DISP2: variants seen among roughly 807,000 people sequenced by gnomAD.
DISP2 encodes the protein dispatched RND transporter family member 2, also known as protein dispatched homolog 2.
DISP2 carries 59 observed loss-of-function variants against 95.5 expected under a neutral mutation model. The ratio of observed to expected loss-of-function variants is 0.62; its 90% CI spans 0.50 to 0.77. The LOEUF is 0.77. Ranked by LOEUF, DISP2 falls within the 30% of genes least tolerant of loss-of-function variation. DISP2 has a pLI of 0.00. For synonymous variants in DISP2, 827 were observed against 815.0 expected (o/e 1.01, Z -0.25); for missense variants, 1,752 against 1,854.6 (o/e 0.94, Z 1.02).
intron 3 of DISP2, 47 bp from the exon 4 acceptor site, chr15:40,364,374 C>A (rs1889459798): frequency 6.2e-7 from 1 of 1,613,148 alleles, no homozygotes; most frequent in African/African-American, 1.3e-5. Context: ...AGCTCAGCAC[C>A]CGTTGCTACC....
rs753096222 is a variant in DISP2, at chr15:40,367,492, G to C, written c.1380G>C (p.Trp460Cys). The C allele has an allele frequency of 1.9e-6, 3 of 1,613,534 alleles. No individual in the cohort carries two copies. Among genetic ancestry groups the C allele is most frequent in the Non-Finnish European group, 1.7e-6 (2 of 1,179,974 alleles). ...ACCTGGACCGGCTGGCCACCCCCTG[G>C]GGGCTTGCTGACAACTACACCTCTG... is the stretch of plus-strand genomic sequence containing the variant. ...DIYLDRLATP[W>C]GLADNYTSVT... is the part of the protein sequence containing the mutation. The change falls in exon 8 of 8, where the codon TGG becomes TGC. Residue 460 changes from tryptophan (W) to cysteine (C), a missense_variant. Physicochemically the swap from Trp to Cys is radical, Grantham distance 215 (BLOSUM62 -2). Coordinates refer to ENST00000267889, the MANE Select transcript of DISP2 (RefSeq NM_033510.3).
intron 1 of DISP2, among the ~76,000 whole-genome samples, chr15:40,358,792 A>G (rs537540353): frequency 1.1e-4 from 17 of 152,252 alleles, no homozygotes; most frequent in African/African-American, 4.1e-4. Context: ...GCCCGCAGTA[A>G]CCTCAGTCCG....
chr15:40,361,434 C>A (rs1889404336), intron 1 of DISP2, among the ~76,000 whole-genome samples: 1 of 152,218 alleles, frequency 6.6e-6, no homozygotes, highest in Non-Finnish European at 1.5e-5. Flanking sequence ...GTGCCAGGAA[C>A]CTCACATATG....
Position 40,369,075 on chromosome 15 carries a change from T to A in DISP2, c.2963T>A (p.Leu988His). 6.2e-7 allele frequency: 1 copy of A among 1,614,078 alleles called. No homozygotes were observed. The highest frequency in any genetic ancestry group is 8.5e-7 in the Non-Finnish European group (1 of 1,180,028). Residue 988 changes from leucine (L) to histidine (H), a missense_variant, in exon 8 of 8, where the codon CTC becomes CAC. Physicochemically the swap from Leu to His is moderately conservative, Grantham distance 99. This residue lies in a region of DISP2 where 317 missense variants were observed against 394.9 expected (regional missense o/e 0.80). Transcript: ENST00000267889. ...CTCCTGGGCACCTGGAATGTTCCCC[T>A]CAGCCTATTCTCCGTGGCAGCTGTG... ...TLLLGTWNVP[L>H]SLFSVAAVAG...
rs1001827733 is a variant in DISP2, at chr15:40,359,970, C to T, written c.119+1530C>T. On this transcript the variant is annotated intron_variant, in intron 1 of 7. Coordinates refer to ENST00000267889, the MANE Select transcript of DISP2 (RefSeq NM_033510.3). ...GCTGCTTCCCCATCTGTCCTGGCCA[C>T]TCTGTGGGATCACACTGATGTTCAC... Among the ~76,000 whole-genome samples the T allele has an allele frequency of 7.0e-4, 106 of 152,250 alleles. 7 individuals are homozygous for T. The highest frequency in any genetic ancestry group is 4.1e-4 in the South Asian group (2 of 4,832).
Position 40,368,717 on chromosome 15 carries a change from C to T in DISP2, c.2605C>T (p.Gln869Ter). Residue 869 changes from glutamine to a stop codon, truncating the protein, a stop_gained, in exon 8 of 8, where the codon CAG (glutamine) becomes TAG (stop). Coordinates refer to ENST00000267889, the MANE Select transcript of DISP2 (RefSeq NM_033510.3). LOFTEE classifies it high-confidence loss of function. ...CGHSDFPWAPQFFLHCLKMMA... is the reference protein window; with the variant it reads ...CGHSDFPWAP ...CCACTCGGACTTCCCCTGGGCCCCCCAGTTTTTCCTGCACTGCCTGAAAAT... is the reference window on the plus strand; with the variant it reads ...CCACTCGGACTTCCCCTGGGCCCCCTAGTTTTTCCTGCACTGCCTGAAAAT... The T allele has an allele frequency of 1.2e-6, 2 of 1,613,518 alleles. No homozygotes were observed. The highest frequency in any genetic ancestry group is 1.7e-6 in the Non-Finnish European group (2 of 1,180,030).
chr15:40,365,754 T>C (rs762834713), intron 7 of DISP2, 29 bp downstream of exon 7: 10 of 1,609,828 alleles, frequency 6.2e-6, no homozygotes, highest in African/African-American at 1.3e-5. Context: ...TGCCAGGGGT[T>C]TGGGGGGAAC....
At position 40,374,753 on chromosome 15, in the gene DISP2, G is replaced by T. The variant is rs1889706538; in HGVS notation, c.*4435G>T. On this transcript the variant is annotated 3_prime_UTR_variant, in exon 8 of 8. Transcript: ENST00000267889. The stretch of plus-strand genomic sequence containing the variant: ...GCCTCCCGAGCAGTTGGGACTACAG[G>T]CACCTGCCACCACGCCTGGCAAATT... 6.6e-6 allele frequency: 1 copy of T among 151,772 alleles called. No individual in the cohort carries two copies. Among genetic ancestry groups the T allele is most frequent in the African/African-American group, 2.4e-5 (1 of 41,318 alleles). 9.4% of individuals were successfully genotyped at this position (151,772 alleles called of 1,614,324 possible).
rs2141264360 is a variant in DISP2 at position 40,370,412 on chromosome 15, G to C, written c.*94G>C. The stretch of plus-strand genomic sequence containing the variant: ...GCTGGAGCCCGAAGGTATTTCTCCA[G>C]ATCCACAGGGAGAGGTCTCACCCTC... On this transcript the variant is annotated 3_prime_UTR_variant, in exon 8 of 8. Coordinates refer to ENST00000267889, the MANE Select transcript of DISP2 (RefSeq NM_033510.3). 6.7e-7 allele frequency: 1 copy of C among 1,486,574 alleles called. No homozygotes were observed. The highest frequency in any genetic ancestry group is 2.5e-4 in the Middle Eastern group (1 of 4,046). The allele number at this position is 1,486,574 out of a possible 1,614,324, so 92.1% of individuals were successfully genotyped here.
chr15:40,365,751 G>A (rs1889488610), intron 7 of DISP2, 26 bp downstream of exon 7: 7 of 1,611,040 alleles, frequency 4.3e-6, no homozygotes, highest in South Asian at 1.1e-5. Context: ...AGGTGCCAGG[G>A]GTTTGGGGGG....
rs1303391512 is a variant in DISP2, at chr15:40,370,179, C to T, written c.4067C>T (p.Ser1356Phe). 6.2e-7 allele frequency: 1 copy of T among 1,612,136 alleles called. No individual in the cohort carries two copies. Among genetic ancestry groups the T allele is most frequent in the Non-Finnish European group, 8.5e-7 (1 of 1,179,340 alleles). The stretch of plus-strand genomic sequence containing the variant: ...GTGTATGACCCATCATTGCCCGCTT[C>T]CCATCACAGCAGCTTGTCCTGGAAG... Reference protein sequence around the residue: ...ETVYDPSLPASHHSSLSWKGR... With the variant: ...ETVYDPSLPAFHHSSLSWKGR... Residue 1356 changes from serine to phenylalanine, a missense_variant, in exon 8 of 8, where the codon TCC becomes TTC. Around this residue, in one of 5 missense-constraint regions of DISP2, gnomAD observed 347 missense variants for 344.2 expected, o/e 1.01. Transcript: ENST00000267889.
Position 40,370,432 on chromosome 15 carries a change from A to C in DISP2, c.*114A>C, listed in dbSNP as rs1595730890. The C allele has an allele frequency of 4.3e-4, 600 of 1,405,762 alleles. No individual in the cohort carries two copies. Among genetic ancestry groups the C allele is most frequent in the Non-Finnish European group, 5.2e-4 (546 of 1,054,576 alleles). The allele number at this position is 1,405,762 out of a possible 1,614,324, so 87.1% of individuals were successfully genotyped here. Reference sequence around the variant, plus strand: ...CTCCAGATCCACAGGGAGAGGTCTCACCCTCCAGCTGTGGATGTTAAACCC... The same window carrying C: ...CTCCAGATCCACAGGGAGAGGTCTCCCCCTCCAGCTGTGGATGTTAAACCC... On this transcript the variant is annotated 3_prime_UTR_variant, in exon 8 of 8. Coordinates refer to ENST00000267889, the MANE Select transcript of DISP2 (RefSeq NM_033510.3).
chr15:40,368,538 A>G lies in DISP2; in HGVS notation c.2426A>G (p.Gln809Arg), dbSNP rs1170592444. ...PAFSASGPEA[Q>R]RWLLALCHRA... ...TTCTCGGCCAGCGGCCCTGAGGCCC[A>G]GCGCTGGCTGCTGGCACTCTGTCAC... is the stretch of plus-strand genomic sequence containing the variant. The change falls in exon 8 of 8, where the codon CAG becomes CGG. Residue 809 changes from glutamine (Q) to arginine (R), a missense_variant. Physicochemically the swap from Gln to Arg is conservative, Grantham distance 43 (BLOSUM62 1). Coordinates refer to ENST00000267889, the MANE Select transcript of DISP2 (RefSeq NM_033510.3). 2 of 1,604,884 alleles carry G rather than the reference A, an allele frequency of 1.2e-6. No individual in the cohort carries two copies. Among genetic ancestry groups the G allele is most frequent in the Non-Finnish European group, 1.7e-6 (2 of 1,179,890 alleles).
At position 40,363,903 on chromosome 15, in the gene DISP2, G is replaced by A. The variant is rs751360468; in HGVS notation, c.398G>A (p.Arg133His). ...SLSPSPAPSQ[R>H]DGTWKPPAVQ... ...AGCCCTTCTCCAGCCCCCTCACAGC[G>A]CGATGGGACCTGGAAGCCACCCGCT... Residue 133 changes from arginine (R) to histidine (H), a missense_variant, in exon 2 of 8, where the codon CGC (arginine) becomes CAC (histidine). Around this residue, in one of 5 missense-constraint regions of DISP2, gnomAD observed 342 missense variants for 364.3 expected, o/e 0.94. Coordinates refer to ENST00000267889, the MANE Select transcript of DISP2 (RefSeq NM_033510.3). 1.4e-5 allele frequency: 22 copies of A among 1,566,102 alleles called. No individual in the cohort carries two copies. The highest frequency in any genetic ancestry group is 4.1e-5 in the African/African-American group (3 of 73,868).
rs1889439072 is a variant in DISP2, at chr15:40,363,485, C to T, written c.120-140C>T. 1.6e-5 allele frequency: 10 copies of T among 641,370 alleles called. No homozygotes were observed. In the South Asian group the frequency reaches 2.6e-4, roughly 16 times the overall value. 39.7% of individuals were successfully genotyped at this position (641,370 alleles called of 1,614,324 possible). A position where few individuals can be genotyped will look rare whatever the true frequency, so the allele number is the denominator to read the frequency against. ...CTTCGAGCCCCTGGCCTCCTCACCT[C>T]TCACTTCTCCCCCAGGACTAATAAA... is the stretch of plus-strand genomic sequence containing the variant. On this transcript the variant is annotated intron_variant, in intron 1 of 7. Coordinates refer to ENST00000267889, the MANE Select transcript of DISP2 (RefSeq NM_033510.3).
At position 40,363,974 on chromosome 15, in the gene DISP2, C is replaced by T; in HGVS notation, c.449+20C>T. On this transcript the variant is annotated intron_variant, in intron 2 of 7. Coordinates refer to ENST00000267889, the MANE Select transcript of DISP2 (RefSeq NM_033510.3). ...CGTCAGGTAAGGAGGGGTCCAGCAG[C>T]CTGCCAGCTGCCACTGGAAAATGCG... The T allele has an allele frequency of 6.6e-7, 1 of 1,516,138 alleles. No homozygotes were observed. The highest frequency in any genetic ancestry group is 8.8e-7 in the Non-Finnish European group (1 of 1,136,948). The allele number at this position is 1,516,138 out of a possible 1,614,324, so 93.9% of individuals were successfully genotyped here. A position where few individuals can be genotyped will look rare whatever the true frequency, so the allele number is the denominator to read the frequency against.
Position 40,369,304 on chromosome 15 carries a change from C to T in DISP2, c.3192C>T (p.Ala1064=), listed in dbSNP as rs772593812. 5 of 1,613,620 alleles carry T rather than the reference C, an allele frequency of 3.1e-6. No individual in the cohort carries two copies. The highest frequency in any genetic ancestry group is 1.1e-5 in the South Asian group (1 of 91,080). The change falls in exon 8 of 8, where the codon GCC becomes GCT. Residue 1064 remains alanine (A), a synonymous_variant. Coordinates refer to ENST00000267889, the MANE Select transcript of DISP2 (RefSeq NM_033510.3). Reference sequence around the variant, plus strand: ...TGCGCCAGACCAGCTGCGCCACAGCCGTGGGGGCTGCAGCCCTGTTTGCGG... The same window carrying T: ...TGCGCCAGACCAGCTGCGCCACAGCTGTGGGGGCTGCAGCCCTGTTTGCGG... ...FSLRQTSCAT[A]VGAAALFAAG...
chr15:40,367,780 C>G lies in DISP2; in HGVS notation c.1668C>G (p.Ala556=). Residue 556 remains alanine, a synonymous_variant, in exon 8 of 8, where the codon GCC becomes GCG. Transcript: ENST00000267889. ...AALLLLSSVC[A]NHTLIFFDLW... is the part of the protein sequence containing the mutation. ...TCCTCCTGCTGAGCAGCGTCTGCGC[C>G]AACCACACGCTCATCTTCTTCGACC... The G allele has an allele frequency of 6.2e-7, 1 of 1,609,108 alleles. No individual in the cohort carries two copies. Among genetic ancestry groups the G allele is most frequent in the Non-Finnish European group, 8.5e-7 (1 of 1,180,012 alleles).
rs577904021 is a variant in DISP2 at position 40,373,335 on chromosome 15, G to A, written c.*3017G>A. On this transcript the variant is annotated 3_prime_UTR_variant, in exon 8 of 8. Transcript: ENST00000267889. The stretch of plus-strand genomic sequence containing the variant: ...ACTACATTAACATTTGGAACTTGAG[G>A]TCATTTCCCCTATTTGTGCCACTGA... 1 of 152,220 alleles carries A rather than the reference G, an allele frequency of 6.6e-6. No individual in the cohort carries two copies. The highest frequency in any genetic ancestry group is 6.5e-5 in the Admixed American group (1 of 15,284). 9.4% of individuals were successfully genotyped at this position (152,220 alleles called of 1,614,324 possible).
Sources: allele counts gnomAD v4.1 joint callset (sites outside exome capture counted in the v4.1 genomes callset), GRCh38; gene constraint gnomAD v4.1.1; regional missense constraint gnomAD v4.1.1; transcripts MANE v1.5; gene names NCBI Gene and HGNC (gene_info 2026-07-23, HGNC 2026-07-21).